PPP1R12B: variants seen among roughly 807,000 people sequenced by gnomAD.
PPP1R12B encodes protein phosphatase 1 regulatory subunit 12B.
Under a neutral mutation model 126.1 loss-of-function variants are expected in PPP1R12B, and 76 were observed. That is an observed-to-expected ratio of 0.60 (90% CI 0.50 to 0.73). The LOEUF (loss-of-function observed/expected upper bound fraction) is 0.73, where lower values mean the gene tolerates loss of function less well. Ranked by LOEUF, PPP1R12B falls within the 30% of genes least tolerant of loss-of-function variation. The pLI, the probability that PPP1R12B is intolerant of heterozygous loss-of-function variation, is 0.00. For missense variants in PPP1R12B, 1,052 were observed against 1,205.1 expected (o/e 0.87, Z 1.88); for synonymous variants, 356 against 434.7 (o/e 0.82, Z 2.25).
chr1:202,408,178 C>T (rs1189516743), intron 1 of PPP1R12B, among the ~76,000 whole-genome samples: 1 of 152,060 alleles, frequency 6.6e-6, no homozygotes, highest in Non-Finnish European at 1.5e-5. Flanking sequence ...GATTTCTTGG[C>T]CGTCTAGTTG....
intron 13 of PPP1R12B, among the ~76,000 whole-genome samples, chr1:202,470,564 T>G (rs923786344): frequency 3.9e-5 from 6 of 152,172 alleles, no homozygotes; most frequent in African/African-American, 1.4e-4. Flanking sequence ...TATATTTTAT[T>G]TATTTTGAGA....
chr1:202,518,804 C>T (rs150352691), intron 18 of PPP1R12B, among the ~76,000 whole-genome samples: 5 of 152,300 alleles, frequency 3.3e-5, no homozygotes, highest in South Asian at 2.1e-4. Context: ...GAAGACTGCT[C>T]AGTGGCTATT....
intron 13 of PPP1R12B, among the ~76,000 whole-genome samples, chr1:202,475,901 T>G (rs1352668706): frequency 6.6e-6 from 1 of 151,970 alleles, no homozygotes; most frequent in East Asian, 1.9e-4. Flanking sequence ...TAATCTTATG[T>G]TAATACACAG....
chr1:202,573,536 T>C, intron 23 of PPP1R12B, among the ~76,000 whole-genome samples: 1 of 152,186 alleles, frequency 6.6e-6, no homozygotes, highest in African/African-American at 2.4e-5. Context: ...GTAGTCATTA[T>C]AACCCACAGG....
At chr1:202,457,813 G>A (rs1259064639) in intron 13 of PPP1R12B, among the ~76,000 whole-genome samples, 1 of 152,080 alleles carries the variant, frequency 6.6e-6, no homozygotes, top group Non-Finnish European at 1.5e-5. Flanking sequence ...AGTAATAGGA[G>A]GATGGTATTT....
In PPP1R12B at chr1:202,403,901, C is replaced by G. The variant is rs1666199105; in HGVS notation, c.292-12886C>G. On this transcript the variant is annotated intron_variant, in intron 1 of 23. Transcript: ENST00000608999. ...ACCACTGACATTCTAATAAGTGACC[C>G]TTTCTGTTCATTTTACCTCAGGGGT... Among the ~76,000 whole-genome samples the G allele has an allele frequency of 3.3e-5, 5 of 152,106 alleles. No individual in the cohort carries two copies. The South Asian group carries it at 8.3e-4, about 25-fold the overall frequency.
intron 19 of PPP1R12B, among the ~76,000 whole-genome samples, chr1:202,561,725 T>C (rs540472370): frequency 6.6e-6 from 1 of 152,306 alleles, no homozygotes; most frequent in Admixed American, 6.5e-5. Context: ...AAAAAGAATG[T>C]TTTGAAGAAT....
At chr1:202,425,483 T>C (rs1669383217) in intron 3 of PPP1R12B, 83 bp from the exon 4 acceptor site, 1 of 1,385,580 alleles carries the variant, frequency 7.2e-7, no homozygotes, top group African/African-American at 1.4e-5. Context: ...ATGTTTATGA[T>C]GTGCTTTAAT....
chr1:202,562,270 T>C (rs1291432775), intron 19 of PPP1R12B, among the ~76,000 whole-genome samples: 2 of 152,186 alleles, frequency 1.3e-5, no homozygotes, highest in Non-Finnish European at 2.9e-5. Context: ...CCTAAAATGT[T>C]TGGGATTCCA....
At chr1:202,454,661 T>C (rs1558250054) in intron 13 of PPP1R12B, among the ~76,000 whole-genome samples, 1 of 152,214 alleles carries the variant, frequency 6.6e-6, no homozygotes. Flanking sequence ...TGGCCAGGTA[T>C]GGTAGCTCAC....
At chr1:202,438,939 C>T in intron 10 of PPP1R12B, 1 of 1,533,670 alleles carries the variant, frequency 6.5e-7, no homozygotes, top group Non-Finnish European at 9.0e-7. Context: ...CCGAAGACGG[C>T]CGTGGACTGG....
rs146184793 is a variant in PPP1R12B at position 202,463,382 on chromosome 1, C to G, written c.1850+14211C>G. Among the ~76,000 whole-genome samples the G allele has an allele frequency of 7.0e-3, 1,066 of 152,180 alleles. 13 individuals carry two copies. The highest frequency in any genetic ancestry group is 0.025 in the African/African-American group (1,027 of 41,522). ...ACATGCTTCTCTTTTAAAGAAGAAA[C>G]TGGAATTGGCACTGTTATTCTTAAG... On this transcript the variant is annotated intron_variant, in intron 13 of 23. Coordinates refer to ENST00000608999, the MANE Select transcript of PPP1R12B (RefSeq NM_002481.4).
chr1:202,403,952 G>A (rs180903101), intron 1 of PPP1R12B, among the ~76,000 whole-genome samples: 66 of 152,242 alleles, frequency 4.3e-4, no homozygotes, highest in African/African-American at 1.6e-3. Flanking sequence ...GTCCTCCCCA[G>A]TGTCTTAGCT....
intron 2 of PPP1R12B, among the ~76,000 whole-genome samples, chr1:202,418,435 T>G (rs1348247746): frequency 6.6e-6 from 1 of 152,108 alleles, no homozygotes; most frequent in Non-Finnish European, 1.5e-5. Context: ...ATTATCCTCC[T>G]GTGTGTGAAG....
chr1:202,542,662 G>A (rs1344363836), intron 18 of PPP1R12B, among the ~76,000 whole-genome samples: 1 of 152,178 alleles, frequency 6.6e-6, no homozygotes, highest in East Asian at 1.9e-4. Flanking sequence ...GGCCATAACT[G>A]AATCTCCTGT....
intron 1 of PPP1R12B, among the ~76,000 whole-genome samples, chr1:202,399,426 G>C (rs1208762546): frequency 6.6e-6 from 1 of 151,582 alleles, no homozygotes; most frequent in Non-Finnish European, 1.5e-5. Flanking sequence ...TCATTTTGTT[G>C]TCCAAGCTGG....
intron 1 of PPP1R12B, among the ~76,000 whole-genome samples, chr1:202,380,351 G>T (rs1320758183): frequency 6.6e-6 from 1 of 152,152 alleles, no homozygotes; most frequent in Non-Finnish European, 1.5e-5. Flanking sequence ...GACTCAGGAG[G>T]TGAAGGAGTT....
At chr1:202,364,818 G>T (rs7365265) in intron 1 of PPP1R12B, among the ~76,000 whole-genome samples, 65,531 of 151,392 alleles carry the variant, frequency 0.43, 15,460 homozygotes, top group East Asian at 0.7. Context: ...CCTCGTGATG[G>T]GCCCGCCTCG....
At chr1:202,542,471 A>G (rs1364907992) in intron 18 of PPP1R12B, among the ~76,000 whole-genome samples, 1 of 152,362 alleles carries the variant, frequency 6.6e-6, no homozygotes, top group East Asian at 1.9e-4. Context: ...TCCCAGCAAC[A>G]TTGGAGTACA....
Sources: gnomAD v4.1 joint callset for allele counts (sites outside exome capture counted in the v4.1 genomes callset) on GRCh38, gnomAD v4.1.1 for gene constraint, MANE v1.5 for transcripts, NCBI Gene and HGNC (gene_info 2026-07-23, HGNC 2026-07-21) for gene names.